The following PKHD1L1 variants were observed in gnomAD, a reference collection of about 807,000 sequenced individuals.
PKHD1L1 encodes PKHD1 like 1, also known as fibrocystin-L.
Under a neutral mutation model 462.9 loss-of-function variants are expected in PKHD1L1, and 434 were observed. The observed-to-expected ratio is 0.94, with a 90% CI of 0.87 to 1.02. The LOEUF is 1.02. PKHD1L1 is among the 50% of genes least tolerant of loss of function. The pLI, the probability that PKHD1L1 is intolerant of heterozygous loss-of-function variation, is 0.00. For synonymous variants in PKHD1L1, 1,781 were observed against 1,750.0 expected (o/e 1.02, Z -0.44); for missense variants, 5,202 against 5,096.1 (o/e 1.02, Z -0.63).
chr8:109,435,543 C>T (rs16879553), intron 29 of PKHD1L1, among the ~76,000 whole-genome samples, 189 bp downstream of exon 29: 1,600 of 152,302 alleles, frequency 0.011, 25 homozygotes, highest in African/African-American at 0.036. Flanking sequence ...AAGCACAAGT[C>T]AGGGTGCTGC....
At chr8:109,421,711 G>A (rs913938397) in intron 23 of PKHD1L1, among the ~76,000 whole-genome samples, 4 of 152,298 alleles carry the variant, frequency 2.6e-5, no homozygotes, top group Admixed American at 1.3e-4. Context: ...GTGAACCCGG[G>A]AGGCGGAGCT....
rs536714443 is a variant in PKHD1L1, at chr8:109,536,395, T to C, written c.*6305T>C. On this transcript the variant is annotated 3_prime_UTR_variant, in exon 78 of 78. Coordinates refer to ENST00000378402, the MANE Select transcript of PKHD1L1 (RefSeq NM_177531.6). ...TGAATGAGTCTCACATTGTTTCATG[T>C]TGTTTTATTTCTACTTTCTCAATCC... is the stretch of plus-strand genomic sequence containing the variant. Among the ~76,000 whole-genome samples, 1 of 152,366 alleles carries C rather than the reference T, an allele frequency of 6.6e-6. No individual in the cohort carries two copies. The highest frequency in any genetic ancestry group is 2.1e-4 in the South Asian group (1 of 4,826).
intron 20 of PKHD1L1, among the ~76,000 whole-genome samples, chr8:109,412,627 C>T (rs1813917808): frequency 6.6e-6 from 1 of 151,510 alleles, no homozygotes; most frequent in South Asian, 2.1e-4. Context: ...TATATAGCAC[C>T]ATATATCATG....
At chr8:109,419,420 A>G (rs1345310275) in intron 22 of PKHD1L1, among the ~76,000 whole-genome samples, 160 bp downstream of exon 22, 3 of 152,238 alleles carry the variant, frequency 2.0e-5, no homozygotes, top group African/African-American at 7.2e-5. Flanking sequence ...TTTGTAATGA[A>G]TAGTGCAAAG....
At chr8:109,442,628 C>T (rs186743225) in intron 35 of PKHD1L1, among the ~76,000 whole-genome samples, 5 of 151,966 alleles carry the variant, frequency 3.3e-5, no homozygotes, top group Admixed American at 2.6e-4. Flanking sequence ...AGATTTTGAA[C>T]CTTTCACTCA....
intron 53 of PKHD1L1, among the ~76,000 whole-genome samples, chr8:109,478,771 A>G (rs755911568): frequency 2.6e-5 from 4 of 152,158 alleles, no homozygotes; most frequent in Non-Finnish European, 5.9e-5. Flanking sequence ...TGATAAAGGT[A>G]AACTACGATA....
At position 109,381,519 on chromosome 8, in the gene PKHD1L1, G is replaced by A. The variant is rs764625207; in HGVS notation, c.308+5G>A. On this transcript the variant is annotated splice_donor_5th_base_variant and intron_variant, in intron 3 of 77. Coordinates refer to ENST00000378402, the MANE Select transcript of PKHD1L1 (RefSeq NM_177531.6). ...TCAAATTACATGCTATACTAGGTCT[G>A]TTTTAAAGTATCTTTAATAAAATCA... The A allele has an allele frequency of 1.6e-5, 25 of 1,541,158 alleles. No homozygotes were observed. Among genetic ancestry groups the A allele is most frequent in the Non-Finnish European group, 3.5e-6 (4 of 1,133,836 alleles).
intron 67 of PKHD1L1, among the ~76,000 whole-genome samples, chr8:109,499,864 T>C (rs2130948636): frequency 6.6e-6 from 1 of 152,236 alleles, no homozygotes; most frequent in African/African-American, 2.4e-5. Flanking sequence ...ACTGGGAAAC[T>C]CTAGAGTGTA....
Position 109,382,571 on chromosome 8 carries a change from C to T in PKHD1L1, c.417C>T (p.Asn139=), listed in dbSNP as rs369855402. ...TCAACAGCTGGGAATGTACCTTCAA[C>T]GTATGTAGGAATCTTCTCTTCAGTT... ...GHINSWECTF[N]AKSFRTPTIR... is the part of the protein sequence containing the mutation. Residue 139 remains asparagine, a splice_region_variant and synonymous_variant, in exon 4 of 78, where the codon AAC becomes AAT. Coordinates refer to ENST00000378402, the MANE Select transcript of PKHD1L1 (RefSeq NM_177531.6). 66 of 1,604,812 alleles carry T rather than the reference C, an allele frequency of 4.1e-5. No homozygotes were observed. Among genetic ancestry groups the T allele is most frequent in the African/African-American group, 3.2e-4 (24 of 74,472 alleles).
intron 11 of PKHD1L1, 66 bp from the exon 12 acceptor site, chr8:109,398,393 A>G (rs904721573): frequency 9.9e-7 from 1 of 1,011,302 alleles, no homozygotes; most frequent in East Asian, 2.7e-5. Context: ...GTGCTTAAAG[A>G]TACACTGATG....
intron 23 of PKHD1L1, among the ~76,000 whole-genome samples, chr8:109,421,732 G>A (rs979707446): frequency 6.6e-6 from 1 of 152,074 alleles, no homozygotes; most frequent in Non-Finnish European, 1.5e-5. Context: ...TGCAGTGAGC[G>A]GAGATCGCGC....
intron 48 of PKHD1L1, among the ~76,000 whole-genome samples, chr8:109,462,987 C>T (rs909129295): frequency 1.3e-5 from 2 of 152,036 alleles, no homozygotes; most frequent in African/African-American, 4.8e-5. Context: ...CACCCAAACT[C>T]CTGTTTACTT....
chr8:109,392,721 A>G (rs1280322501), intron 9 of PKHD1L1, among the ~76,000 whole-genome samples: 2 of 152,148 alleles, frequency 1.3e-5, no homozygotes, highest in Non-Finnish European at 2.9e-5. Flanking sequence ...CAAAAAATAC[A>G]TTATTTTTTG....
chr8:109,432,459 T>G (rs1815162679), intron 27 of PKHD1L1, among the ~76,000 whole-genome samples: 1 of 152,208 alleles, frequency 6.6e-6, no homozygotes, highest in Admixed American at 6.5e-5. Context: ...GTGCATGGTG[T>G]TACGTAAGTA....
Position 109,504,534 on chromosome 8 carries a change from T to C in PKHD1L1, c.10994+42T>C, listed in dbSNP as rs1209768703. The C allele has an allele frequency of 8.1e-6, 10 of 1,236,170 alleles. 1 individual carries two copies. In the Admixed American group the frequency reaches 3.7e-4, roughly 46 times the overall value. The allele number at this position is 1,236,170 out of a possible 1,614,324, so 76.6% of individuals were successfully genotyped here. On this transcript the variant is annotated intron_variant, in intron 68 of 77. Transcript: ENST00000378402. ...TTGTGGTTTTTCTATCTTTATAGTT[T>C]TTCATTCTCACTTCCTCCTGCTCAA...
chr8:109,433,319 A>T, intron 28 of PKHD1L1, 103 bp downstream of exon 28: 2 of 1,002,980 alleles, frequency 2.0e-6, no homozygotes, highest in Non-Finnish European at 3.0e-6. Flanking sequence ...AATTATCATG[A>T]TCCAGTATTA....
rs755922408 is a variant in PKHD1L1, at chr8:109,508,200, C to A, written c.11331C>A (p.Asp3777Glu). 6.2e-6 allele frequency: 10 copies of A among 1,613,302 alleles called. No homozygotes were observed. The highest frequency in any genetic ancestry group is 3.3e-4 in the Middle Eastern group (2 of 6,056). The change falls in exon 70 of 78, where the codon GAC becomes GAA. Residue 3777 changes from aspartate to glutamate, a missense_variant. By Grantham distance (45) the Asp-to-Glu change is conservative. Coordinates refer to ENST00000378402, the MANE Select transcript of PKHD1L1 (RefSeq NM_177531.6). ...AMMVIESLDP[D>E]TETRRLSPVA... ...TGGTTATTGAAAGTCTGGATCCTGA[C>A]ACAGAAACTCGAAGACTTTCCCCAG...
rs1189136304 is a variant in PKHD1L1, at chr8:109,412,418, A to G, written c.2235+4A>G. 1.2e-6 allele frequency: 2 copies of G among 1,601,300 alleles called. No homozygotes were observed. Among genetic ancestry groups the G allele is most frequent in the Non-Finnish European group, 1.7e-6 (2 of 1,173,300 alleles). On this transcript the variant is annotated splice_donor_region_variant and intron_variant, in intron 20 of 77. Transcript: ENST00000378402. ...TTTATTGTTTCCTTATAATCAGGTA[A>G]GCTCAACAAAATGATATGCTAATTG...
At position 109,404,999 on chromosome 8, in the gene PKHD1L1, T is replaced by C. The variant is rs367948306; in HGVS notation, c.1538T>C (p.Ile513Thr). The C allele has an allele frequency of 6.7e-4, 999 of 1,495,252 alleles. 1 individual carries two copies. The highest frequency in any genetic ancestry group is 7.7e-4 in the Non-Finnish European group (861 of 1,114,490). The allele number at this position is 1,495,252 out of a possible 1,614,324, so 92.6% of individuals were successfully genotyped here. A position where few individuals can be genotyped will look rare whatever the true frequency, so the allele number is the denominator to read the frequency against. ...QSTILQEVQV[I>T]TLENWETTNA... is the part of the protein sequence containing the mutation. ...TGTTTCTTAATTGGAAAATAGGTTA[T>C]AACATTGGAAAACTGGGAAACAACT... The change falls in exon 16 of 78, where the codon ATA becomes ACA. Residue 513 changes from isoleucine to threonine, a missense_variant. Ile to Thr is a moderately conservative substitution (Grantham distance 89). Around this residue, in one of 3 missense-constraint regions of PKHD1L1, gnomAD observed 4,497 missense variants for 4,336.8 expected, o/e 1.04. Transcript: ENST00000378402.
Sources: allele counts gnomAD v4.1 joint callset (sites outside exome capture counted in the v4.1 genomes callset), GRCh38; gene constraint gnomAD v4.1.1; regional missense constraint gnomAD v4.1.1; transcripts MANE v1.5; gene names NCBI Gene and HGNC (gene_info 2026-07-23, HGNC 2026-07-21).